Variants in COL22A1 observed in about 807,000 individuals in gnomAD.
COL22A1 encodes the protein collagen alpha-1(XXII) chain.
Under a neutral mutation model 248.9 loss-of-function variants are expected in COL22A1, and 221 were observed. That is an observed-to-expected ratio of 0.89 (90% CI 0.80 to 0.99). The LOEUF is 0.99. COL22A1 is among the 50% of genes least tolerant of loss of function. The pLI, the probability that COL22A1 is intolerant of heterozygous loss-of-function variation, is 0.00. For synonymous variants in COL22A1, 891 were observed against 793.4 expected, an observed-to-expected ratio of 1.12 and a Z score of -2.07; for missense variants, 2,240 against 2,179.0, an observed-to-expected ratio of 1.03 and a Z score of -0.56.
intron 15 of COL22A1, among the ~76,000 whole-genome samples, chr8:138,776,862 C>T (rs1012970619): frequency 3.9e-5 from 6 of 152,164 alleles, no homozygotes; most frequent in Admixed American, 3.9e-4. Flanking sequence ...GTCGATCCCT[C>T]GTTTGGCACA....
intron 45 of COL22A1, among the ~76,000 whole-genome samples, chr8:138,652,396 G>C (rs1241573444): frequency 2.6e-5 from 4 of 152,192 alleles, no homozygotes; most frequent in Non-Finnish European, 5.9e-5. Flanking sequence ...GTGACTTTTA[G>C]CTGCTACATG....
intron 3 of COL22A1, among the ~76,000 whole-genome samples, chr8:138,846,171 A>G (rs1821230604): frequency 6.6e-6 from 1 of 152,206 alleles, no homozygotes; most frequent in Non-Finnish European, 1.5e-5. Flanking sequence ...ATATTTAGAC[A>G]GCTCTACCCA....
intron 41 of COL22A1, among the ~76,000 whole-genome samples, chr8:138,666,832 T>C (rs938540141): frequency 1.3e-5 from 2 of 152,198 alleles, no homozygotes; most frequent in Admixed American, 6.5e-5. Context: ...TAACAGAAAA[T>C]CCACTTTGAA....
At chr8:138,703,939 T>C (rs984473789) in intron 30 of COL22A1, among the ~76,000 whole-genome samples, 3 of 152,180 alleles carry the variant, frequency 2.0e-5, no homozygotes, top group Admixed American at 2.0e-4. Flanking sequence ...TACTGTGCTT[T>C]TCCAACAGTC....
At chr8:138,854,635 G>T (rs2318330) in intron 3 of COL22A1, among the ~76,000 whole-genome samples, 1 of 152,064 alleles carries the variant, frequency 6.6e-6, no homozygotes, top group African/African-American at 2.4e-5. Context: ...TTAGAGCCCC[G>T]AGAGGAACAA....
chr8:138,736,461 G>C (rs552947860), intron 23 of COL22A1, among the ~76,000 whole-genome samples: 1 of 152,186 alleles, frequency 6.6e-6, no homozygotes, highest in East Asian at 1.9e-4. Context: ...GGTCATGCAG[G>C]GAGGAAGGGA....
intron 30 of COL22A1, among the ~76,000 whole-genome samples, chr8:138,708,839 A>G (rs1335255636): frequency 6.6e-6 from 1 of 152,262 alleles, no homozygotes; most frequent in Non-Finnish European, 1.5e-5. Flanking sequence ...CTACCATTAG[A>G]GTGAACAGGC....
At chr8:138,783,299 AT>A (rs1191638748) in intron 12 of COL22A1, among the ~76,000 whole-genome samples, 1 of 151,224 alleles carries the variant, frequency 6.6e-6, no homozygotes, top group African/African-American at 2.4e-5. Flanking sequence ...ATATATATAT[AT>A]TTTTTTCAAA....
intron 5 of COL22A1, among the ~76,000 whole-genome samples, chr8:138,831,991 AC>A (rs1205457237): frequency 1.3e-5 from 2 of 152,006 alleles, no homozygotes; most frequent in African/African-American, 4.8e-5. Flanking sequence ...GGTCATAAAG[AC>A]CTTGCTGATA....
intron 1 of COL22A1, 66 bp from the exon 2 acceptor site, chr8:138,883,310 G>A (rs1824384203): frequency 1.1e-6 from 1 of 875,436 alleles, no homozygotes; most frequent in Admixed American, 2.6e-5. Flanking sequence ...GCAAACTCTG[G>A]GCCCTGCCCA....
At chr8:138,607,829 C>T in intron 57 of COL22A1, 107 bp downstream of exon 57, 1 of 1,079,382 alleles carries the variant, frequency 9.3e-7, no homozygotes, top group Non-Finnish European at 1.4e-6. Context: ...ACCCATATGT[C>T]CCCACCGATG....
At chr8:138,715,914 T>A (rs76513379) in intron 29 of COL22A1, among the ~76,000 whole-genome samples, 179 bp from the exon 30 acceptor site, 8,547 of 152,158 alleles carry the variant, frequency 0.056, 343 homozygotes, top group Middle Eastern at 0.085. Context: ...GGGGAACTAG[T>A]CAGTTAGGCG....
intron 30 of COL22A1, among the ~76,000 whole-genome samples, chr8:138,706,019 A>G (rs1306844587): frequency 6.6e-6 from 1 of 152,244 alleles, no homozygotes; most frequent in Non-Finnish European, 1.5e-5. Context: ...TTAAAGCAAC[A>G]AAGATCAAAA....
At chr8:138,713,607 C>T (rs557707982) in intron 30 of COL22A1, among the ~76,000 whole-genome samples, 3 of 152,224 alleles carry the variant, frequency 2.0e-5, no homozygotes, top group East Asian at 1.9e-4. Flanking sequence ...AACTAATCAG[C>T]GATTTTCCAG....
intron 4 of COL22A1, among the ~76,000 whole-genome samples, chr8:138,837,748 G>A (rs747485138): frequency 9.9e-5 from 15 of 152,194 alleles, no homozygotes; most frequent in South Asian, 2.1e-4. Flanking sequence ...AGGGCCCTGC[G>A]GTTCCAGGGT....
At chr8:138,663,135 G>A (rs1370337355) in intron 42 of COL22A1, among the ~76,000 whole-genome samples, 1 of 152,148 alleles carries the variant, frequency 6.6e-6, no homozygotes, top group Admixed American at 6.5e-5. Context: ...TTGCTACAAT[G>A]CAGCTATTTC....
chr8:138,627,233 T>C (rs1820318134), intron 50 of COL22A1, among the ~76,000 whole-genome samples: 1 of 152,222 alleles, frequency 6.6e-6, no homozygotes, highest in Non-Finnish European at 1.5e-5. Flanking sequence ...ATAATGGAGC[T>C]TCCTGGGTTC....
chr8:138,863,159 C>T (rs1239009504), intron 3 of COL22A1, among the ~76,000 whole-genome samples: 2 of 152,152 alleles, frequency 1.3e-5, no homozygotes, highest in East Asian at 1.9e-4. Context: ...GCAGGCTTGC[C>T]GGCTCCCCGT....
At chr8:138,789,091 G>T (rs1563765490) in intron 12 of COL22A1, among the ~76,000 whole-genome samples, 1 of 152,178 alleles carries the variant, frequency 6.6e-6, no homozygotes, top group Non-Finnish European at 1.5e-5. Context: ...CCTTGGTTTT[G>T]TGACTGGTCC....
Sources: gnomAD v4.1 joint callset for allele counts (sites outside exome capture counted in the v4.1 genomes callset) on GRCh38, gnomAD v4.1.1 for gene constraint, MANE v1.5 for transcripts, NCBI Gene and HGNC (gene_info 2026-07-23, HGNC 2026-07-21) for gene names.